The following NR3C1 variants were observed in gnomAD, a reference collection of about 807,000 sequenced individuals.
The protein encoded by NR3C1 is nuclear receptor subfamily 3 group C member 1, also known as glucocorticoid receptor.
A neutral mutation model predicts 74.0 loss-of-function variants in NR3C1; 14 were observed. That is an observed-to-expected ratio of 0.19 (90% confidence interval 0.12 to 0.30). The LOEUF (loss-of-function observed/expected upper bound fraction) is 0.30. NR3C1 is among the 10% of genes least tolerant of loss of function. The pLI, the probability that NR3C1 is intolerant of heterozygous loss-of-function variation, is 1.00. For missense variants in NR3C1, 695 were observed against 909.8 expected (o/e 0.76, Z 3.04); for synonymous variants, 308 against 332.5 (o/e 0.93, Z 0.80).
chr5:143,319,884 A>C (rs1338642905), intron 2 of NR3C1, among the ~76,000 whole-genome samples: 1 of 152,204 alleles, frequency 6.6e-6, no homozygotes, highest in Non-Finnish European at 1.5e-5. Context: ...AAGCAGCCCT[A>C]AACAGTCCAT....
intron 2 of NR3C1, among the ~76,000 whole-genome samples, chr5:143,395,853 C>A (rs1226828355): frequency 6.6e-6 from 1 of 151,778 alleles, no homozygotes; most frequent in Non-Finnish European, 1.5e-5. Context: ...TTAAAGTAAA[C>A]CCTTTTGATC....
chr5:143,335,312 T>TCATGTTTTTA (rs1240093845), intron 2 of NR3C1, among the ~76,000 whole-genome samples: 1 of 152,244 alleles, frequency 6.6e-6, no homozygotes, highest in East Asian at 1.9e-4. Flanking sequence ...AAAGCCCAAC[T>TCATGTTTTTA]CATGTTTTTA....
intron 2 of NR3C1, among the ~76,000 whole-genome samples, chr5:143,344,386 T>G (rs1351569440): frequency 6.6e-6 from 1 of 152,234 alleles, no homozygotes; most frequent in Non-Finnish European, 1.5e-5. Context: ...TATTATGGTC[T>G]AAGTACTTTA....
At chr5:143,304,389 A>T (rs1439109638) in intron 4 of NR3C1, among the ~76,000 whole-genome samples, 1 of 152,164 alleles carries the variant, frequency 6.6e-6, no homozygotes, top group Admixed American at 6.5e-5. Context: ...ACTACAAAAC[A>T]CTGCTGAAAG....
intron 2 of NR3C1, among the ~76,000 whole-genome samples, chr5:143,362,782 CG>C (rs1378930726): frequency 6.6e-6 from 1 of 152,112 alleles, no homozygotes; most frequent in Non-Finnish European, 1.5e-5. Context: ...GGGCACATGA[CG>C]GGTGGAGGAG....
In NR3C1 at chr5:143,433,452, T is replaced by TTATATA. The variant is rs70995004; in HGVS notation, c.-14+1074_-14+1079dup. On this transcript the variant is annotated intron_variant, in intron 1 of 8. Coordinates refer to the NR3C1 transcript ENST00000343796. Reference sequence around the variant, plus strand: ...TATATATATAATTTATTTATTTAAATTATATATATATATATATATTTAATT... The same window carrying TTATATA: ...TATATATATAATTTATTTATTTAAATTATATATATATATATATATATATATTTAATT... 1.5e-3 allele frequency among the ~76,000 whole-genome samples: 184 copies of TTATATA among 119,662 alleles called. 1 individual carries two copies. Among genetic ancestry groups the TTATATA allele is most frequent in the East Asian group, 0.014 (60 of 4,368 alleles). The allele number at this position is 119,662 out of a possible 152,430, so 78.5% of individuals were successfully genotyped here.
At chr5:143,301,436 A>G (rs1818464543) in intron 4 of NR3C1, among the ~76,000 whole-genome samples, 1 of 152,204 alleles carries the variant, frequency 6.6e-6, no homozygotes, top group South Asian at 2.1e-4. Context: ...TACATTACAT[A>G]AATTATAAGT....
At chr5:143,341,907 A>G (rs1383482906) in intron 2 of NR3C1, among the ~76,000 whole-genome samples, 1 of 152,212 alleles carries the variant, frequency 6.6e-6, no homozygotes, top group African/African-American at 2.4e-5. Flanking sequence ...AAGAAAATAC[A>G]GAGAGGGAGG....
chr5:143,344,940 C>T (rs187704598), intron 2 of NR3C1, among the ~76,000 whole-genome samples: 1 of 152,212 alleles, frequency 6.6e-6, no homozygotes, highest in East Asian at 1.9e-4. Flanking sequence ...TGTCCAGGGC[C>T]ACTGTCTGTG....
At chr5:143,366,248 C>T (rs1833150620) in intron 2 of NR3C1, among the ~76,000 whole-genome samples, 1 of 152,138 alleles carries the variant, frequency 6.6e-6, no homozygotes, top group Non-Finnish European at 1.5e-5. Context: ...GTAGCTCACA[C>T]CTGTAATCCC....
intron 4 of NR3C1, among the ~76,000 whole-genome samples, chr5:143,303,825 T>C (rs1485621980): frequency 3.9e-5 from 6 of 151,914 alleles, no homozygotes; most frequent in African/African-American, 1.2e-4. Context: ...AAAAAAATAA[T>C]GATCATCTCA....
At chr5:143,331,435 T>C (rs1388620343) in intron 2 of NR3C1, among the ~76,000 whole-genome samples, 1 of 152,176 alleles carries the variant, frequency 6.6e-6, no homozygotes, top group Non-Finnish European at 1.5e-5. Context: ...TCACTGGGTA[T>C]ATACCCAGAG....
At chr5:143,349,622 G>T (rs1448170512) in intron 2 of NR3C1, among the ~76,000 whole-genome samples, 1 of 152,100 alleles carries the variant, frequency 6.6e-6, no homozygotes, top group Non-Finnish European at 1.5e-5. Flanking sequence ...CTGCTTTCCT[G>T]CAGCTTTCAT....
At chr5:143,283,590 C>CAATACTTTTTT (rs1373933693) in intron 7 of NR3C1, among the ~76,000 whole-genome samples, 2 of 152,126 alleles carry the variant, frequency 1.3e-5, no homozygotes, top group African/African-American at 2.4e-5. Flanking sequence ...AATCGGCATG[C>CAATACTTTTTT]AATACTTTTT....
intron 2 of NR3C1, among the ~76,000 whole-genome samples, chr5:143,386,552 A>G (rs960818682): frequency 2.6e-5 from 4 of 152,118 alleles, no homozygotes; most frequent in African/African-American, 9.7e-5. Context: ...AACCCAGAAA[A>G]TCTCATATGT....
At chr5:143,336,451 A>T (rs1827136549) in intron 2 of NR3C1, among the ~76,000 whole-genome samples, 1 of 152,176 alleles carries the variant, frequency 6.6e-6, no homozygotes, top group African/African-American at 2.4e-5. Context: ...GCTTCCTAAG[A>T]TCTGTTAAGT....
chr5:143,345,837 G>C (rs1829185351), intron 2 of NR3C1, among the ~76,000 whole-genome samples: 1 of 152,102 alleles, frequency 6.6e-6, no homozygotes. Flanking sequence ...TCTTTATTTA[G>C]AAGTTTAGTG....
At chr5:143,327,437 A>C (rs1229440129) in intron 2 of NR3C1, among the ~76,000 whole-genome samples, 1 of 152,050 alleles carries the variant, frequency 6.6e-6, no homozygotes, top group African/African-American at 2.4e-5. Flanking sequence ...TCCCTCTCAA[A>C]TCCCATGTCT....
chr5:143,309,265 G>GT (rs1255938212), intron 4 of NR3C1, among the ~76,000 whole-genome samples: 3 of 152,032 alleles, frequency 2.0e-5, no homozygotes, highest in Non-Finnish European at 2.9e-5. Context: ...CAGAGACAGG[G>GT]TTTCACCATG....
Sources: gnomAD v4.1 joint callset for allele counts (sites outside exome capture counted in the v4.1 genomes callset) on GRCh38, gnomAD v4.1.1 for gene constraint, MANE v1.5 for transcripts, NCBI Gene and HGNC (gene_info 2026-07-23, HGNC 2026-07-21) for gene names.